Variants in ERC1 observed in about 807,000 individuals in gnomAD.
ERC1 encodes RAB6 interacting protein 2.
ERC1 carries 56 observed loss-of-function variants against 132.0 expected under a neutral mutation model. The observed-to-expected ratio is 0.42, with a 90% CI of 0.34 to 0.53. ERC1 has a LOEUF of 0.53. Ranked by LOEUF, ERC1 falls within the 20% of genes least tolerant of loss-of-function variation. The pLI is 0.03. For synonymous variants in ERC1, 478 were observed against 476.1 expected, an observed-to-expected ratio of 1.00 and a Z score of -0.05; for missense variants, 1,202 against 1,349.9, an observed-to-expected ratio of 0.89 and a Z score of 1.72.
intron 2 of ERC1, among the ~76,000 whole-genome samples, chr12:1,067,227 T>C (rs190820853): frequency 2.0e-5 from 3 of 152,378 alleles, no homozygotes; most frequent in Admixed American, 1.3e-4. Flanking sequence ...ACTCATTTTT[T>C]AACAAGCCAG....
intron 17 of ERC1, among the ~76,000 whole-genome samples, chr12:1,440,518 T>C (rs1809771411): frequency 6.6e-6 from 1 of 150,610 alleles, no homozygotes; most frequent in African/African-American, 2.4e-5. Context: ...TTTTTTTTTT[T>C]TTTAATAGAG....
At chr12:1,015,552 A>C (rs544044037) in intron 1 of ERC1, among the ~76,000 whole-genome samples, 1 of 152,328 alleles carries the variant, frequency 6.6e-6, no homozygotes, top group East Asian at 1.9e-4. Context: ...TGAACCTGTG[A>C]AAATATATTT....
chr12:1,180,985 G>A (rs576986102), intron 9 of ERC1, among the ~76,000 whole-genome samples: 1 of 151,886 alleles, frequency 6.6e-6, no homozygotes, highest in Non-Finnish European at 1.5e-5. Flanking sequence ...GTAATTTTTT[G>A]TATTTTTTGT....
intron 8 of ERC1, among the ~76,000 whole-genome samples, chr12:1,161,158 C>G (rs1951851772): frequency 6.6e-6 from 1 of 152,078 alleles, no homozygotes; most frequent in Admixed American, 6.6e-5. Context: ...TAGATGTGGT[C>G]TCTGCTCTCA....
At chr12:1,003,196 A>G (rs1429717870) in intron 1 of ERC1, among the ~76,000 whole-genome samples, 1 of 152,004 alleles carries the variant, frequency 6.6e-6, no homozygotes, top group East Asian at 1.9e-4. Context: ...TTTGGGTAGA[A>G]TTACTTTTTT....
chr12:1,106,301 T>C (rs1945257729), intron 4 of ERC1, among the ~76,000 whole-genome samples: 1 of 152,248 alleles, frequency 6.6e-6, no homozygotes, highest in Non-Finnish European at 1.5e-5. Flanking sequence ...GTTCACAATC[T>C]GTTCTTTCTC....
chr12:1,449,082 G>T (rs1053057267), intron 18 of ERC1, among the ~76,000 whole-genome samples: 12 of 152,232 alleles, frequency 7.9e-5, no homozygotes, highest in Non-Finnish European at 1.5e-5. Context: ...TTTCAGACTT[G>T]CCTGGGGCCT....
chr12:1,263,776 GC>G (rs779864884), intron 14 of ERC1, among the ~76,000 whole-genome samples: 6 of 151,818 alleles, frequency 4.0e-5, no homozygotes, highest in Non-Finnish European at 8.8e-5. Context: ...TGCAACCTCT[GC>G]CTCCCGGGTT....
At chr12:1,444,091 G>C (rs1284554183) in intron 17 of ERC1, 1 of 152,540 alleles carries the variant, frequency 6.6e-6, no homozygotes, top group Non-Finnish European at 1.5e-5. Flanking sequence ...TCCAGAGGCA[G>C]AATTTTTCTT....
At chr12:1,304,828 T>C (rs868526267) in intron 15 of ERC1, among the ~76,000 whole-genome samples, 55 of 136,194 alleles carry the variant, frequency 4.0e-4, no homozygotes, top group South Asian at 1.1e-3. Flanking sequence ...CTCGCTCTGC[T>C]GCCCGGGCTG....
chr12:1,223,917 C>G (rs1353932653), intron 12 of ERC1, among the ~76,000 whole-genome samples: 1 of 152,062 alleles, frequency 6.6e-6, no homozygotes, highest in African/African-American at 2.4e-5. Flanking sequence ...TCCATGGCAC[C>G]TCACGATAGG....
intron 1 of ERC1, among the ~76,000 whole-genome samples, chr12:1,020,177 C>G (rs2154144661): frequency 6.6e-6 from 1 of 152,320 alleles, no homozygotes; most frequent in African/African-American, 2.4e-5. Context: ...GAACATCTGG[C>G]TGGACACAGT....
intron 8 of ERC1, among the ~76,000 whole-genome samples, chr12:1,150,500 T>G (rs1378932449): frequency 1.3e-5 from 2 of 152,232 alleles, no homozygotes; most frequent in African/African-American, 4.8e-5. Flanking sequence ...TTATTTATTA[T>G]TTATATTGCT....
At chr12:1,120,079 C>T (rs1171478113) in intron 7 of ERC1, among the ~76,000 whole-genome samples, 1 of 151,952 alleles carries the variant, frequency 6.6e-6, no homozygotes, top group Non-Finnish European at 1.5e-5. Context: ...CCTTGAACTT[C>T]TGGGCTCAGG....
rs376636752 is a variant in ERC1, at chr12:1,080,425, G to A, written c.670-2739G>A. 2.6e-3 allele frequency among the ~76,000 whole-genome samples: 390 copies of A among 152,284 alleles called. 1 individual carries two copies. Among genetic ancestry groups the A allele is most frequent in the African/African-American group, 9.0e-3 (376 of 41,558 alleles). On this transcript the variant is annotated intron_variant, in intron 2 of 18. Coordinates refer to ENST00000360905, the MANE Select transcript of ERC1 (RefSeq NM_178040.4). ...ATTTCACTTAGCACAACGTCTTGAA[G>A]GTTCATCTGTGTTGTAGCATGTGTA... is the stretch of plus-strand genomic sequence containing the variant.
intron 1 of ERC1, among the ~76,000 whole-genome samples, chr12:995,134 A>G (rs185893321): frequency 9.9e-5 from 15 of 151,706 alleles, no homozygotes; most frequent in African/African-American, 2.7e-4. Context: ...GTATGTGCCT[A>G]TAGTCTCAGC....
intron 7 of ERC1, among the ~76,000 whole-genome samples, chr12:1,122,181 ATC>A (rs1334882513): frequency 3.0e-5 from 3 of 98,720 alleles, no homozygotes; most frequent in African/African-American, 1.1e-4. Flanking sequence ...CTCTATCTCT[ATC>A]TCTATCTCTA....
chr12:1,161,459 G>T (rs772553832), intron 8 of ERC1, among the ~76,000 whole-genome samples: 3 of 152,142 alleles, frequency 2.0e-5, no homozygotes, highest in Non-Finnish European at 4.4e-5. Flanking sequence ...GTAGAGCTCT[G>T]CATATGAATG....
chr12:1,292,321 T>C (rs921614803), intron 15 of ERC1, among the ~76,000 whole-genome samples: 1 of 152,216 alleles, frequency 6.6e-6, no homozygotes, highest in East Asian at 1.9e-4. Context: ...TAGCCTCCTA[T>C]ATGCAGGCAG....
Sources: gnomAD v4.1 joint callset for allele counts (sites outside exome capture counted in the v4.1 genomes callset) on GRCh38, gnomAD v4.1.1 for gene constraint, MANE v1.5 for transcripts, NCBI Gene and HGNC (gene_info 2026-07-23, HGNC 2026-07-21) for gene names.